CPNE4: variants seen among roughly 807,000 people sequenced by gnomAD.
CPNE4 encodes copine 4, also known as copine-4.
CPNE4 carries 25 observed loss-of-function variants against 67.9 expected under a neutral mutation model. The observed-to-expected ratio is 0.37, with a 90% confidence interval of 0.27 to 0.51. CPNE4 has a LOEUF of 0.51. CPNE4 is among the 20% of genes least tolerant of loss of function. The pLI is 0.93. For missense variants in CPNE4, 464 were observed against 690.8 expected, an observed-to-expected ratio of 0.67 and a Z score of 3.68; for synonymous variants, 242 against 244.9, an observed-to-expected ratio of 0.99 and a Z score of 0.11.
chr3:131,958,557 A>G (rs1258545424), intron 1 of CPNE4, among the ~76,000 whole-genome samples: 1 of 149,986 alleles, frequency 6.7e-6, no homozygotes, highest in Non-Finnish European at 1.5e-5. Flanking sequence ...TTCAAACTCT[A>G]CTACATCTCA....
chr3:131,949,086 C>T (rs1583496781), intron 1 of CPNE4, among the ~76,000 whole-genome samples: 1 of 152,066 alleles, frequency 6.6e-6, no homozygotes, highest in East Asian at 1.9e-4. Flanking sequence ...AGGGTATTGT[C>T]ATGATTATAT....
At chr3:131,769,531 C>G (rs1271836265) in intron 2 of CPNE4, among the ~76,000 whole-genome samples, 1 of 152,090 alleles carries the variant, frequency 6.6e-6, no homozygotes, top group Non-Finnish European at 1.5e-5. Flanking sequence ...AAAATGATTA[C>G]CTGACACTTC....
rs774277687 is a variant in CPNE4 at position 131,739,046 on chromosome 3, G to C, written c.181-15421C>G. 8.6e-5 allele frequency among the ~76,000 whole-genome samples: 13 copies of C among 151,658 alleles called. No individual in the cohort carries two copies. The South Asian group carries it at 1.7e-3, about 19-fold the overall frequency. ...ATTTTTGTATTTTTAGTAGAGACAG[G>C]GTTTCGCCATGTTGGCCAGGCTGCT... On this transcript the variant is annotated intron_variant, in intron 2 of 15. Transcript: ENST00000429747.
At chr3:131,728,817 G>C (rs1448813895) in intron 2 of CPNE4, among the ~76,000 whole-genome samples, 11 of 150,492 alleles carry the variant, frequency 7.3e-5, no homozygotes, top group Non-Finnish European at 1.5e-4. Context: ...GGCTGAGGCG[G>C]GAGAATGGCG....
At chr3:131,610,889 G>A (rs147694768) in intron 7 of CPNE4, among the ~76,000 whole-genome samples, 38 of 152,262 alleles carry the variant, frequency 2.5e-4, no homozygotes, top group African/African-American at 9.1e-4. Flanking sequence ...TGGAAGACAA[G>A]AGCATTCTAG....
chr3:131,605,729 GA>G (rs1365425001), intron 7 of CPNE4, among the ~76,000 whole-genome samples: 4 of 152,044 alleles, frequency 2.6e-5, no homozygotes, highest in Admixed American at 6.6e-5. Context: ...TATTAAGGAA[GA>G]AAAAACTATA....
At chr3:131,958,722 G>A (rs1281569870) in intron 1 of CPNE4, among the ~76,000 whole-genome samples, 1 of 144,738 alleles carries the variant, frequency 6.9e-6, no homozygotes, top group Non-Finnish European at 1.5e-5. Context: ...CCTGTCAGGC[G>A]ATCTTGGCTC....
upstream of CPNE4, among the ~76,000 whole-genome samples, chr3:132,035,640 T>G (rs1455149745): frequency 6.6e-6 from 1 of 152,196 alleles, no homozygotes; most frequent in Non-Finnish European, 1.5e-5. Flanking sequence ...TTTAAAGCAC[T>G]TTAGAGAGAA....
intron 6 of CPNE4, among the ~76,000 whole-genome samples, chr3:131,679,311 A>G (rs2080671571): frequency 6.7e-6 from 1 of 150,292 alleles, no homozygotes; most frequent in Non-Finnish European, 1.5e-5. Context: ...GTTTATTTGA[A>G]TCTTCTCCCT....
chr3:131,869,661 GTATTT>G (rs2087111840), intron 2 of CPNE4, among the ~76,000 whole-genome samples: 1 of 152,102 alleles, frequency 6.6e-6, no homozygotes, highest in Non-Finnish European at 1.5e-5. Flanking sequence ...TATATGTTTT[GTATTT>G]TATTTTGACT....
intron 2 of CPNE4, among the ~76,000 whole-genome samples, chr3:131,742,310 CT>C (rs1410372910): frequency 6.6e-6 from 1 of 152,142 alleles, no homozygotes; most frequent in Non-Finnish European, 1.5e-5. Context: ...CTTCTCCTGG[CT>C]TTGGACTAAG....
At chr3:131,880,144 T>TTTTA (rs34601204) in intron 2 of CPNE4, among the ~76,000 whole-genome samples, 1 of 151,222 alleles carries the variant, frequency 6.6e-6, no homozygotes, top group African/African-American at 2.4e-5. Flanking sequence ...TTTTTTTTTT[T>TTTTA]GAGACGGAGT....
At chr3:131,848,464 A>G (rs2086090683) in intron 2 of CPNE4, among the ~76,000 whole-genome samples, 1 of 152,116 alleles carries the variant, frequency 6.6e-6, no homozygotes, top group South Asian at 2.1e-4. Context: ...AGCCTGCAAC[A>G]TGTGAGCAAA....
intron 6 of CPNE4, among the ~76,000 whole-genome samples, chr3:131,673,189 T>C (rs1285412176): frequency 6.6e-6 from 1 of 152,090 alleles, no homozygotes; most frequent in Non-Finnish European, 1.5e-5. Context: ...TTCTGTTCCA[T>C]GGGTTTATGT....
chr3:131,729,741 C>T (rs1434677579), intron 2 of CPNE4, among the ~76,000 whole-genome samples: 1 of 152,190 alleles, frequency 6.6e-6, no homozygotes, highest in Non-Finnish European at 1.5e-5. Context: ...TGTCTACATA[C>T]TGAGGTTGCA....
intron 2 of CPNE4, among the ~76,000 whole-genome samples, chr3:131,888,454 A>G (rs2087981557): frequency 6.6e-6 from 1 of 152,138 alleles, no homozygotes; most frequent in South Asian, 2.1e-4. Flanking sequence ...GGAGCTCTTG[A>G]AATATAGTAT....
At chr3:131,594,973 T>C (rs2107713290) in intron 7 of CPNE4, among the ~76,000 whole-genome samples, 1 of 152,308 alleles carries the variant, frequency 6.6e-6, no homozygotes, top group East Asian at 1.9e-4. Context: ...TCATTAATTA[T>C]CAGAAAAATG....
chr3:131,584,702 C>T (rs1938064730), intron 8 of CPNE4, among the ~76,000 whole-genome samples: 1 of 152,162 alleles, frequency 6.6e-6, no homozygotes, highest in African/African-American at 2.4e-5. Context: ...GTAGAATTTT[C>T]TCAATAATTG....
chr3:131,827,316 A>G (rs2085200779), intron 2 of CPNE4, among the ~76,000 whole-genome samples: 1 of 150,918 alleles, frequency 6.6e-6, no homozygotes, highest in Non-Finnish European at 1.5e-5. Context: ...CTCACTGCAC[A>G]CATGACTTTA....
Sources: allele counts gnomAD v4.1 joint callset (sites outside exome capture counted in the v4.1 genomes callset), GRCh38; gene constraint gnomAD v4.1.1; transcripts MANE v1.5; gene names NCBI Gene and HGNC (gene_info 2026-07-23, HGNC 2026-07-21).